The following CYC1 variants were observed in gnomAD, a reference collection of about 807,000 sequenced individuals.
CYC1 encodes the protein cytochrome c1, heme protein, mitochondrial.
Under a neutral mutation model 33.8 loss-of-function variants are expected in CYC1, and 10 were observed. The ratio of observed to expected loss-of-function variants is 0.30; its 90% CI spans 0.18 to 0.50. CYC1 has a LOEUF of 0.50. CYC1 is among the 20% of genes least tolerant of loss of function. CYC1 has a pLI of 0.98. For synonymous variants in CYC1, 224 were observed against 181.9 expected (o/e 1.23, Z -1.86); for missense variants, 459 against 437.6 (o/e 1.05, Z -0.44).
intron 5 of CYC1, 30 bp from the exon 6 acceptor site, chr8:144,097,004 G>A: frequency 6.4e-7 from 1 of 1,563,466 alleles, no homozygotes; most frequent in Non-Finnish European, 8.7e-7. Context: ...ATGAGCCTGA[G>A]AATAGCCCTC....
intron 5 of CYC1, 124 bp from the exon 6 acceptor site, chr8:144,096,910 T>C (rs1386823479): frequency 2.6e-6 from 3 of 1,157,358 alleles, no homozygotes; most frequent in Non-Finnish European, 3.8e-6. Context: ...TTTGCGTATG[T>C]CCGGTGGAGG....
At position 144,095,931 on chromosome 8, in the gene CYC1, G is replaced by A. The variant is rs750485779; in HGVS notation, c.228G>A (p.Met76Ile). The A allele has an allele frequency of 6.2e-7, 1 of 1,608,324 alleles. No individual in the cohort carries two copies. Among genetic ancestry groups the A allele is most frequent in the African/African-American group, 1.3e-5 (1 of 74,906 alleles). Residue 76 changes from methionine to isoleucine, a missense_variant, in exon 2 of 7, where the codon ATG becomes ATA. By Grantham distance (10) the Met-to-Ile change is conservative. Transcript: ENST00000318911. ...MLAAGGAGLA[M>I]ALHSAVSASD... ...CGGCAGGGGGTGCGGGGCTGGCCAT[G>A]GCTCTGCATTCGGCTGTGAGTGCCA...
chr8:144,095,242 C>T lies in CYC1; in HGVS notation c.129+14C>T, dbSNP rs957453866. 4.2e-6 allele frequency: 5 copies of T among 1,198,184 alleles called. No homozygotes were observed. The African/African-American group carries it at 6.3e-5, about 15-fold the overall frequency. The allele number at this position is 1,198,184 out of a possible 1,614,324, so 74.2% of individuals were successfully genotyped here. A position where few individuals can be genotyped will look rare whatever the true frequency, so the allele number is the denominator to read the frequency against. Reference sequence around the variant, plus strand: ...CGGACACCTCAGGTGAGCGCTGGGCCGGGCCCCGGCCTCCGCGCGGCCCCG... The same window carrying T: ...CGGACACCTCAGGTGAGCGCTGGGCTGGGCCCCGGCCTCCGCGCGGCCCCG... On this transcript the variant is annotated intron_variant, in intron 1 of 6. Coordinates refer to ENST00000318911, the MANE Select transcript of CYC1 (RefSeq NM_001916.5).
In CYC1 at chr8:144,096,247, G is replaced by A. The variant is rs780421772; in HGVS notation, c.450G>A (p.Ala150=). The A allele has an allele frequency of 1.1e-4, 185 of 1,613,820 alleles. No homozygotes were observed. Among genetic ancestry groups the A allele is most frequent in the Middle Eastern group, 6.6e-4 (4 of 6,082 alleles). The change falls in exon 3 of 7, where the codon GCG becomes GCA. Residue 150 remains alanine (A), a synonymous_variant. Coordinates refer to ENST00000318911, the MANE Select transcript of CYC1 (RefSeq NM_001916.5). ...AGGATGAAGCTAAGGAGCTGGCTGC[G>A]GAGGTGTGGGGTCTGGGGATGCCTG... is the stretch of plus-strand genomic sequence containing the variant. ...YTEDEAKELA[A]EVEVQDGPNE... is the part of the protein sequence containing the mutation.
At chr8:144,095,786 G>A in intron 1 of CYC1, 47 bp from the exon 2 acceptor site, 1 of 1,583,056 alleles carries the variant, frequency 6.3e-7, no homozygotes, top group South Asian at 1.1e-5. Context: ...AGATCCCCAG[G>A]TAGGGCTGGG....
In CYC1 at chr8:144,095,830, C is replaced by T; in HGVS notation, c.130-3C>T. 6.2e-7 allele frequency: 1 copy of T among 1,604,916 alleles called. No homozygotes were observed. The highest frequency in any genetic ancestry group is 1.1e-5 in the South Asian group (1 of 90,918). ...TGGCAGGCGCTGAGCGGAGATCTTG[C>T]AGGCAGTGGCCTTGTCGTCGAAGTC... On this transcript the variant is annotated splice_region_variant and splice_polypyrimidine_tract_variant and intron_variant, in intron 1 of 6. Transcript: ENST00000318911.
chr8:144,095,764 G>A (rs913951537), intron 1 of CYC1, 69 bp from the exon 2 acceptor site: 4 of 1,542,220 alleles, frequency 2.6e-6, no homozygotes, highest in Non-Finnish European at 3.5e-6. Flanking sequence ...GGAGAGGTGG[G>A]CGCTGAGAGT....
At position 144,095,979 on chromosome 8, in the gene CYC1, C is replaced by CA. The variant is rs780077264; in HGVS notation, c.277dup (p.Ser93LysfsTer26). The stretch of plus-strand genomic sequence containing the variant: ...CCAGTGACCTGGAGCTGCACCCCCC[C>CA]AGCTATCCGTGGTCTCACCGTGGCC... On this transcript the variant is annotated frameshift_variant, in exon 2 of 7. Coordinates refer to ENST00000318911, the MANE Select transcript of CYC1 (RefSeq NM_001916.5). LOFTEE classifies it high-confidence loss of function. The CA allele has an allele frequency of 1.9e-6, 3 of 1,607,242 alleles. No homozygotes were observed. Among genetic ancestry groups the CA allele is most frequent in the Non-Finnish European group, 2.5e-6 (3 of 1,179,392 alleles).
rs374210188 is a variant in CYC1, at chr8:144,096,036, A to G, written c.326+7A>G. ...CTTCCTTGGACCACACCAGGTGTGC[A>G]GCTGGCTGGCTGGCTGGCAGCGGGA... On this transcript the variant is annotated splice_region_variant and intron_variant, in intron 2 of 6. Transcript: ENST00000318911. The G allele has an allele frequency of 3.9e-5, 63 of 1,598,700 alleles. No homozygotes were observed. Among genetic ancestry groups the G allele is most frequent in the Non-Finnish European group, 5.2e-5 (61 of 1,174,662 alleles).
At position 144,096,459 on chromosome 8, in the gene CYC1, A is replaced by G; in HGVS notation, c.576A>G (p.Ala192=). The change falls in exon 4 of 7, where the codon GCA becomes GCG. Residue 192 remains alanine, a synonymous_variant. Coordinates refer to ENST00000318911, the MANE Select transcript of CYC1 (RefSeq NM_001916.5). The part of the protein sequence containing the change: ...SEAARAANNG[A]LPPDLSYIVR... ...CTGCTCGAGCTGCCAACAACGGAGC[A>G]TTGCCCCCTGACCTCAGCTACATCG... 2 of 1,614,054 alleles carry G rather than the reference A, an allele frequency of 1.2e-6. No homozygotes were observed. The highest frequency in any genetic ancestry group is 1.7e-6 in the Non-Finnish European group (2 of 1,180,014).
chr8:144,097,275 T>C lies in CYC1; in HGVS notation c.917T>C (p.Ile306Thr), dbSNP rs1395309466. ...MALLVPLVYT[I>T]KRHKWSVLKS... ...CTGCTGGTGCCCCTGGTCTACACCA[T>C]AAAGCGGCACAAGTGGTCAGTCCTG... Residue 306 changes from isoleucine to threonine, a missense_variant, in exon 7 of 7, where the codon ATA becomes ACA. Ile to Thr is a moderately conservative substitution (Grantham distance 89). Transcript: ENST00000318911. 3 of 1,614,124 alleles carry C rather than the reference T, an allele frequency of 1.9e-6. No individual in the cohort carries two copies. Among genetic ancestry groups the C allele is most frequent in the South Asian group, 2.2e-5 (2 of 91,086 alleles).
rs1587604243 is a variant in CYC1 at position 144,096,439 on chromosome 8, C to G, written c.556C>G (p.Arg186Gly). 1 of 1,614,086 alleles carries G rather than the reference C, an allele frequency of 6.2e-7. No individual in the cohort carries two copies. The highest frequency in any genetic ancestry group is 8.5e-7 in the Non-Finnish European group (1 of 1,180,014). Reference sequence around the variant, plus strand: ...ACCATACCCCAACAGTGAGGCTGCTCGAGCTGCCAACAACGGAGCATTGCC... The same window carrying G: ...ACCATACCCCAACAGTGAGGCTGCTGGAGCTGCCAACAACGGAGCATTGCC... Reference protein sequence around the residue: ...PKPYPNSEAARAANNGALPPD... With the variant: ...PKPYPNSEAAGAANNGALPPD... The change falls in exon 4 of 7, where the codon CGA becomes GGA. Residue 186 changes from arginine to glycine, a missense_variant. Physicochemically the swap from Arg to Gly is moderately radical, Grantham distance 125. Coordinates refer to ENST00000318911, the MANE Select transcript of CYC1 (RefSeq NM_001916.5).
chr8:144,096,768 TG>T, intron 5 of CYC1, 24 bp downstream of exon 5: 1 of 19,818 alleles, frequency 5.0e-5, no homozygotes. Context: ...AGTCTGGCAG[TG>T]GGCATGTGGA....
At chr8:144,095,256 C>G (rs1836126368) in intron 1 of CYC1, 28 bp downstream of exon 1, 1 of 1,193,932 alleles carries the variant, frequency 8.4e-7, no homozygotes. Flanking sequence ...CCCCGGCCTC[C>G]GCGCGGCCCC....
intron 2 of CYC1, 46 bp downstream of exon 2, chr8:144,096,075 G>A (rs769301920): frequency 3.1e-6 from 5 of 1,604,020 alleles, no homozygotes; most frequent in African/African-American, 1.3e-5. Context: ...TCTGGGTGGA[G>A]CTGGTAAGGT....
At chr8:144,095,281 G>A in intron 1 of CYC1, 53 bp downstream of exon 1, 2 of 1,187,206 alleles carry the variant, frequency 1.7e-6, no homozygotes, top group Non-Finnish European at 2.1e-6. Flanking sequence ...CTCCGTGAAG[G>A]TCACGGCGGG....
rs1352803927 is a variant in CYC1 at position 144,097,450 on chromosome 8, G to T, written c.*114G>T. ...CTCTTCATCTGGAAGAAGAGGCAAG[G>T]GGGCAGGAGACCAGGCTCTAGCTCT... On this transcript the variant is annotated 3_prime_UTR_variant, in exon 7 of 7. Coordinates refer to ENST00000318911, the MANE Select transcript of CYC1 (RefSeq NM_001916.5). 2.5e-6 allele frequency: 2 copies of T among 798,396 alleles called. No homozygotes were observed. The highest frequency in any genetic ancestry group is 4.1e-6 in the Non-Finnish European group (2 of 493,332). 49.5% of individuals were successfully genotyped at this position (798,396 alleles called of 1,614,324 possible). A position where few individuals can be genotyped will look rare whatever the true frequency, so the allele number is the denominator to read the frequency against.
rs763477511 is a variant in CYC1, at chr8:144,097,019, C to T, written c.773-15C>T. 3 of 1,591,314 alleles carry T rather than the reference C, an allele frequency of 1.9e-6. No homozygotes were observed. Among genetic ancestry groups the T allele is most frequent in the Non-Finnish European group, 2.6e-6 (3 of 1,166,196 alleles). ...ATGAGCCTGAGAATAGCCCTCACTGCTTGTCGTTGGCCAGGCACCCCAGCT... is the reference window on the plus strand; with the variant it reads ...ATGAGCCTGAGAATAGCCCTCACTGTTTGTCGTTGGCCAGGCACCCCAGCT... On this transcript the variant is annotated splice_polypyrimidine_tract_variant and intron_variant, in intron 5 of 6. Coordinates refer to ENST00000318911, the MANE Select transcript of CYC1 (RefSeq NM_001916.5).
At position 144,097,148 on chromosome 8, in the gene CYC1, G is replaced by A. The variant is rs1476629946; in HGVS notation, c.873+14G>A. ...ATGGGGCTCAAGGTAAAAGGGTTGGGAGGCCATGGTGGGTATCAGAGAAGG... is the reference window on the plus strand; with the variant it reads ...ATGGGGCTCAAGGTAAAAGGGTTGGAAGGCCATGGTGGGTATCAGAGAAGG... On this transcript the variant is annotated intron_variant, in intron 6 of 6. Coordinates refer to ENST00000318911, the MANE Select transcript of CYC1 (RefSeq NM_001916.5). 1.2e-5 allele frequency: 19 copies of A among 1,612,020 alleles called. No individual in the cohort carries two copies. The highest frequency in any genetic ancestry group is 1.6e-5 in the Non-Finnish European group (19 of 1,178,816).
Sources: allele counts gnomAD v4.1 joint callset, GRCh38; gene constraint gnomAD v4.1.1; transcripts MANE v1.5; gene names NCBI Gene and HGNC (gene_info 2026-07-23, HGNC 2026-07-21).